The following NEBL variants were observed in gnomAD, a reference collection of about 807,000 sequenced individuals.
NEBL encodes nebulette.
Under a neutral mutation model 140.2 loss-of-function variants are expected in NEBL, and 122 were observed. That is an observed-to-expected ratio of 0.87 (90% CI 0.75 to 1.01). The LOEUF (loss-of-function observed/expected upper bound fraction) is 1.01. Ranked by LOEUF, NEBL falls within the 50% of genes least tolerant of loss-of-function variation. The pLI is 0.00. For missense variants in NEBL, 1,365 were observed against 1,231.3 expected (o/e 1.11, Z -1.62); for synonymous variants, 436 against 398.9 (o/e 1.09, Z -1.11).
intron 26 of NEBL, among the ~76,000 whole-genome samples, chr10:20,793,909 G>A (rs1487923385): frequency 2.0e-5 from 3 of 152,102 alleles, no homozygotes; most frequent in Non-Finnish European, 4.4e-5. Context: ...CGAACTGGCG[G>A]GCTTCATTCA....
At chr10:21,210,595 A>G (rs943725867) in intron 3 of NEBL, among the ~76,000 whole-genome samples, 1 of 152,208 alleles carries the variant, frequency 6.6e-6, no homozygotes, top group African/African-American at 2.4e-5. Context: ...AAAATCATAC[A>G]ATTAAATGTT....
In NEBL at chr10:21,066,971, C is replaced by CTTT. The variant is rs56352671; in HGVS notation, c.165-46773_165-46771dup. ...ACCTTTGTTTCCTGAAATAATTTAA[C>CTTT]TTTTTTTTTTTTTTTTTTTGAGACA... On this transcript the variant is annotated intron_variant, in intron 2 of 6. Coordinates refer to the NEBL transcript ENST00000417816. 3.1e-3 allele frequency among the ~76,000 whole-genome samples: 353 copies of CTTT among 112,810 alleles called. 21 individuals are homozygous for CTTT. The highest frequency in any genetic ancestry group is 7.8e-3 in the African/African-American group (241 of 31,050). 74.0% of individuals were successfully genotyped at this position (112,810 alleles called of 152,430 possible). A position where few individuals can be genotyped will look rare whatever the true frequency, so the allele number is the denominator to read the frequency against.
intron 2 of NEBL, among the ~76,000 whole-genome samples, chr10:21,045,629 A>G (rs756362857): frequency 7.2e-5 from 11 of 152,204 alleles, no homozygotes; most frequent in Non-Finnish European, 1.5e-4. Flanking sequence ...GCTCAACATC[A>G]CCAATCATCA....
chr10:20,786,920 G>A (rs576737958), intron 27 of NEBL, among the ~76,000 whole-genome samples: 153 of 152,196 alleles, frequency 1.0e-3, no homozygotes, highest in Middle Eastern at 3.4e-3. Context: ...GAGCATAATC[G>A]GCTAGTACCA....
In NEBL at chr10:21,120,390, ATACATATAT is replaced by A. The variant is rs1480195557; in HGVS notation, c.164+51984_164+51992del. On this transcript the variant is annotated intron_variant, in intron 2 of 6. Transcript: ENST00000417816. ...ACTGTGTCTCAAAAAAAAAAAAAAA[ATACATATAT>A]ATATATATATATATATATATATATA... 1.7e-3 allele frequency among the ~76,000 whole-genome samples: 168 copies of A among 99,492 alleles called. 4 individuals carry two copies. Among genetic ancestry groups the A allele is most frequent in the African/African-American group, 7.4e-3 (157 of 21,210 alleles). 65.3% of individuals were successfully genotyped at this position (99,492 alleles called of 152,430 possible). A position where few individuals can be genotyped will look rare whatever the true frequency, so the allele number is the denominator to read the frequency against.
intron 3 of NEBL, among the ~76,000 whole-genome samples, chr10:20,964,759 A>G (rs1342180788): frequency 6.6e-6 from 1 of 152,146 alleles, no homozygotes; most frequent in Non-Finnish European, 1.5e-5. Flanking sequence ...CCATGTGGCC[A>G]CTGTCCAATA....
intron 3 of NEBL, among the ~76,000 whole-genome samples, chr10:21,206,831 G>T (rs1001388754): frequency 4.6e-5 from 7 of 152,026 alleles, no homozygotes; most frequent in Admixed American, 1.3e-4. Flanking sequence ...TTTTCCAGCT[G>T]GTTGTCATCA....
chr10:20,832,444 G>C (rs1840504521), intron 14 of NEBL, among the ~76,000 whole-genome samples: 1 of 151,616 alleles, frequency 6.6e-6, no homozygotes, highest in Non-Finnish European at 1.5e-5. Context: ...TTTTAAGCCA[G>C]TGGGAAATGG....
At chr10:20,838,719 G>A (rs1841127559) in intron 13 of NEBL, among the ~76,000 whole-genome samples, 1 of 152,078 alleles carries the variant, frequency 6.6e-6, no homozygotes, top group East Asian at 1.9e-4. Context: ...TTAAGGAATG[G>A]CCACAGTCAA....
At position 20,835,632 on chromosome 10, in the gene NEBL, GACA is replaced by G; in HGVS notation, c.1339-12_1339-10del. The G allele has an allele frequency of 6.4e-7, 1 of 1,574,672 alleles. No homozygotes were observed. Among genetic ancestry groups the G allele is most frequent in the Non-Finnish European group, 8.7e-7 (1 of 1,147,828 alleles). ...TCTTTCTTGTATTCTTTCTGCAAAA[GACA>G]ACATTTTACAACATTCAAACACTCA... On this transcript the variant is annotated splice_polypyrimidine_tract_variant and intron_variant, in intron 13 of 27. Coordinates refer to ENST00000377122, the MANE Select transcript of NEBL (RefSeq NM_006393.3).
intron 3 of NEBL, among the ~76,000 whole-genome samples, chr10:21,229,951 A>T (rs1418651555): frequency 6.6e-6 from 1 of 152,230 alleles, no homozygotes; most frequent in East Asian, 1.9e-4. Context: ...GGTGCCCTGC[A>T]TGGGGTGGCC....
chr10:20,826,340 T>A, intron 18 of NEBL, 107 bp downstream of exon 18: 1 of 865,492 alleles, frequency 1.2e-6, no homozygotes, highest in Admixed American at 1.9e-5. Context: ...TTCAATAAAG[T>A]GAAGAATAAA....
At chr10:21,139,847 G>A (rs999954898) in intron 2 of NEBL, among the ~76,000 whole-genome samples, 1 of 151,950 alleles carries the variant, frequency 6.6e-6, no homozygotes, top group Non-Finnish European at 1.5e-5. Flanking sequence ...CGTACATTAG[G>A]GATTAAAGTA....
intron 2 of NEBL, among the ~76,000 whole-genome samples, chr10:21,078,201 A>G (rs1379926804): frequency 1.3e-5 from 2 of 152,222 alleles, no homozygotes; most frequent in South Asian, 2.1e-4. Flanking sequence ...GCATGAGTAC[A>G]AAATAGACTC....
At position 20,888,103 on chromosome 10, in the gene NEBL, C is replaced by A; in HGVS notation, c.363G>T (p.Gln121His). The A allele has an allele frequency of 6.2e-7, 1 of 1,605,282 alleles. No individual in the cohort carries two copies. The highest frequency in any genetic ancestry group is 8.5e-7 in the Non-Finnish European group (1 of 1,172,056). Residue 121 changes from glutamine to histidine, a missense_variant, in exon 4 of 28, where the codon CAG (glutamine) becomes CAT (histidine). By Grantham distance (24) the Gln-to-His change is conservative. Transcript: ENST00000377122. ...SVFAGEVTQL[Q>H]SEVAYKQKHD... The stretch of plus-strand genomic sequence containing the variant: ...CACTTTAGAAAAACCCTACCTCACT[C>A]TGGAGCTGTGTAACTTCTCCTGCAA...
intron 3 of NEBL, among the ~76,000 whole-genome samples, chr10:21,234,417 C>A (rs1842320469): frequency 6.6e-6 from 1 of 152,134 alleles, no homozygotes; most frequent in South Asian, 2.1e-4. Flanking sequence ...TCATGTAATT[C>A]ACCTGCCTCT....
intron 2 of NEBL, among the ~76,000 whole-genome samples, chr10:21,128,936 A>G (rs547591966): frequency 5.5e-4 from 84 of 152,344 alleles, no homozygotes; most frequent in African/African-American, 1.7e-3. Flanking sequence ...TATAAGCCAC[A>G]TGCATATAAA....
At chr10:20,814,545 T>C (rs542476551) in intron 22 of NEBL, among the ~76,000 whole-genome samples, 11 of 151,808 alleles carry the variant, frequency 7.2e-5, no homozygotes, top group Admixed American at 4.6e-4. Flanking sequence ...AAAGCTGCAA[T>C]GAGCTATGAT....
chr10:21,013,705 C>T (rs973074631), intron 3 of NEBL, among the ~76,000 whole-genome samples: 9 of 152,192 alleles, frequency 5.9e-5, no homozygotes, highest in Admixed American at 5.9e-4. Context: ...TGGTGAATCC[C>T]CATCTCTACT....
Sources: allele counts gnomAD v4.1 joint callset (sites outside exome capture counted in the v4.1 genomes callset), GRCh38; gene constraint gnomAD v4.1.1; transcripts MANE v1.5; gene names NCBI Gene and HGNC (gene_info 2026-07-23, HGNC 2026-07-21).